The following DPF1 variants were observed in gnomAD, a reference collection of about 807,000 sequenced individuals.
The protein encoded by DPF1 is double PHD fingers 1, also known as zinc finger protein neuro-d4.
A neutral mutation model predicts 58.7 loss-of-function variants in DPF1; 14 were observed. That is an observed-to-expected ratio of 0.24 (90% CI 0.16 to 0.37). The LOEUF (loss-of-function observed/expected upper bound fraction) is 0.37. Ranked by LOEUF, DPF1 falls within the 10% of genes least tolerant of loss-of-function variation. DPF1 has a pLI of 1.00. For missense variants in DPF1, 345 were observed against 529.9 expected (o/e 0.65, Z 3.43); for synonymous variants, 216 against 216.0 (o/e 1.00, Z 0.00).
upstream of DPF1, among the ~76,000 whole-genome samples, chr19:38,225,300 C>G (rs982760082): frequency 1.3e-5 from 2 of 151,980 alleles, no homozygotes; most frequent in African/African-American, 4.8e-5. Context: ...GGTGCGATGG[C>G]TCCAGTCTGC....
chr19:38,219,453 G>A (rs1967285843), intron 3 of DPF1: 1 of 172,070 alleles, frequency 5.8e-6, no homozygotes, highest in Non-Finnish European at 1.2e-5. Context: ...GTCTGAGACA[G>A]ATGCGGGAAG....
intron 3 of DPF1, among the ~76,000 whole-genome samples, chr19:38,220,580 C>T (rs545471034): frequency 1.3e-5 from 2 of 149,454 alleles, no homozygotes; most frequent in South Asian, 4.2e-4. Flanking sequence ...CGCGCCACTG[C>T]ACTCCAGCCT....
intron 9 of DPF1, among the ~76,000 whole-genome samples, chr19:38,215,079 C>T (rs894405578): frequency 3.3e-5 from 5 of 151,450 alleles, no homozygotes; most frequent in Non-Finnish European, 5.9e-5. Flanking sequence ...ATGATCTGCT[C>T]GCCCCAGCCT....
At chr19:38,223,612 T>C (rs1967661156) in intron 1 of DPF1, 1 of 152,354 alleles carries the variant, frequency 6.6e-6, no homozygotes, top group South Asian at 2.1e-4. Flanking sequence ...AAATGACATA[T>C]AGTTCCAAAG....
intron 3 of DPF1, among the ~76,000 whole-genome samples, chr19:38,221,205 G>A (rs1967446451): frequency 1.3e-5 from 2 of 152,078 alleles, no homozygotes; most frequent in Non-Finnish European, 2.9e-5. Context: ...CCCTTGGGGA[G>A]ATACAGAGGC....
At chr19:38,218,011 G>A (rs921179707) in intron 5 of DPF1, 135 bp from the exon 6 acceptor site, 6 of 794,348 alleles carry the variant, frequency 7.6e-6, no homozygotes, top group Non-Finnish European at 1.2e-5. Context: ...AGACCACCTT[G>A]GCCAACATGG....
At chr19:38,223,839 C>T in intron 1 of DPF1, 2 of 350,528 alleles carry the variant, frequency 5.7e-6, no homozygotes, top group Non-Finnish European at 1.0e-5. Flanking sequence ...ATTTCAGTCT[C>T]TCCCAGACCC....
Position 38,218,133 on chromosome 19 carries a change from C to T in DPF1, c.517-257G>A, listed in dbSNP as rs543812679. On this transcript the variant is annotated intron_variant, in intron 5 of 11. Coordinates refer to ENST00000355526, the MANE Select transcript of DPF1 (RefSeq NM_001135155.3). ...AGGAGAATCGCTTGAACCCGGGAGG[C>T]GGAGGTTGCAGTGAGCAGATATTGC... Among the ~76,000 whole-genome samples, 44 of 152,102 alleles carry T rather than the reference C, an allele frequency of 2.9e-4. No individual in the cohort carries two copies. The East Asian group carries it at 7.5e-3, about 26-fold the overall frequency.
upstream of DPF1, among the ~76,000 whole-genome samples, chr19:38,228,885 G>A (rs1967936123): frequency 6.6e-5 from 10 of 151,862 alleles, no homozygotes; most frequent in Admixed American, 6.6e-4. Flanking sequence ...GGCGCTCCCG[G>A]CACCCCCTCC....
intron 3 of DPF1, 169 bp from the exon 4 acceptor site, chr19:38,219,227 C>T (rs762187475): frequency 2.0e-5 from 18 of 915,402 alleles, no homozygotes; most frequent in Admixed American, 8.5e-5. Context: ...GACCCAGTCA[C>T]GCCCTCAGAT....
chr19:38,225,620 C>T (rs772945617), upstream of DPF1, among the ~76,000 whole-genome samples: 57 of 150,874 alleles, frequency 3.8e-4, no homozygotes, highest in Non-Finnish European at 6.5e-4. Flanking sequence ...GTAAGCAGGG[C>T]GCCGTGACTC....
Position 38,224,154 on chromosome 19 carries a change from G to A in DPF1, c.-12C>T. Reference sequence around the variant, plus strand: ...ATGACAGTGGCCATCTTGCTCCCCGGGTCCTGCCCCCAGCAGGTCCCCGCC... The same window carrying A: ...ATGACAGTGGCCATCTTGCTCCCCGAGTCCTGCCCCCAGCAGGTCCCCGCC... On this transcript the variant is annotated 5_prime_UTR_variant, in exon 1 of 12. Transcript: ENST00000355526. The surrounding 1 kb of genome is among the most constrained non-coding windows in gnomAD (Gnocchi z 4.5). 6.8e-7 allele frequency: 1 copy of A among 1,463,364 alleles called. No homozygotes were observed. The highest frequency in any genetic ancestry group is 9.0e-7 in the Non-Finnish European group (1 of 1,113,648). 90.6% of individuals were successfully genotyped at this position (1,463,364 alleles called of 1,614,324 possible).
chr19:38,212,816 A>G (rs1973556239), intron 10 of DPF1, among the ~76,000 whole-genome samples: 1 of 112,456 alleles, frequency 8.9e-6, no homozygotes, highest in Non-Finnish European at 1.7e-5. Flanking sequence ...GAGTCTCACT[A>G]TGTTGCCCAG....
rs565731054 is a variant in DPF1, at chr19:38,218,565, G to A, written c.516+8C>T. ...GGAGCGGGGAAGAGGAGAAGCTTGG[G>A]GTGATACCTTTCCTTTGGCCCTGTT... On this transcript the variant is annotated splice_region_variant and intron_variant, in intron 5 of 11. Transcript: ENST00000355526. The A allele has an allele frequency of 6.2e-7, 1 of 1,613,868 alleles. No individual in the cohort carries two copies. The highest frequency in any genetic ancestry group is 2.2e-5 in the East Asian group (1 of 44,878).
At chr19:38,217,746 G>T in intron 6 of DPF1, 52 bp downstream of exon 6, 3 of 1,610,154 alleles carry the variant, frequency 1.9e-6, no homozygotes, top group Non-Finnish European at 2.5e-6. Flanking sequence ...ACGAGGTGGG[G>T]AGTCTCTGGG....
upstream of DPF1, among the ~76,000 whole-genome samples, chr19:38,224,471 GGC>G (rs1235334199): frequency 3.3e-5 from 5 of 152,092 alleles, no homozygotes; most frequent in African/African-American, 4.8e-5. The surrounding 1 kb of genome is among the most constrained non-coding windows in gnomAD (Gnocchi z 4.5). Context: ...GCCCACGCAT[GGC>G]AGTTTACACA....
At chr19:38,220,930 T>C (rs927470193) in intron 3 of DPF1, among the ~76,000 whole-genome samples, 1 of 152,172 alleles carries the variant, frequency 6.6e-6, no homozygotes, top group Non-Finnish European at 1.5e-5. Flanking sequence ...CCAGATCCTC[T>C]GATGGACTGG....
chr19:38,213,910 A>C, intron 9 of DPF1, 154 bp from the exon 10 acceptor site: 1 of 613,678 alleles, frequency 1.6e-6, no homozygotes, highest in Non-Finnish European at 2.9e-6. Flanking sequence ...CTGCCCAGCA[A>C]CCACGTGGCC....
At chr19:38,215,237 T>A (rs1475593640) in intron 9 of DPF1, among the ~76,000 whole-genome samples, 1 of 149,772 alleles carries the variant, frequency 6.7e-6, no homozygotes, top group Non-Finnish European at 1.5e-5. Flanking sequence ...ACGCCTGTAA[T>A]CCCAGCACTT....
Sources: allele counts gnomAD v4.1 joint callset (sites outside exome capture counted in the v4.1 genomes callset), GRCh38; gene constraint gnomAD v4.1.1; non-coding constraint Gnocchi (gnomAD v3.1); transcripts MANE v1.5; gene names NCBI Gene and HGNC (gene_info 2026-07-23, HGNC 2026-07-21).